Variants in DCAF5 observed in about 807,000 individuals in gnomAD.
DCAF5 encodes the protein DDB1 and CUL4 associated factor 5.
DCAF5 carries 9 observed loss-of-function variants against 80.7 expected under a neutral mutation model. That is an observed-to-expected ratio of 0.11 (90% confidence interval 0.07 to 0.19). DCAF5 has a LOEUF of 0.19. Ranked by LOEUF, DCAF5 falls within the 10% of genes least tolerant of loss-of-function variation. The probability of loss-of-function intolerance (pLI) is 1.00; values close to 1 mark genes in which losing one functional copy is unlikely to be tolerated. For synonymous variants in DCAF5, 433 were observed against 461.9 expected (o/e 0.94, Z 0.80); for missense variants, 842 against 1,205.7 (o/e 0.70, Z 4.47).
intron 1 of DCAF5, 113 bp from the exon 2 acceptor site, chr14:69,122,473 T>G (rs1395849532): frequency 8.6e-7 from 1 of 1,162,222 alleles, no homozygotes; most frequent in Non-Finnish European, 1.2e-6. Context: ...CCCAACTCCA[T>G]AAGATTCGCA....
chr14:69,107,875 T>A (rs771268238), intron 5 of DCAF5, among the ~76,000 whole-genome samples: 1 of 152,232 alleles, frequency 6.6e-6, no homozygotes, highest in Non-Finnish European at 1.5e-5. Context: ...TAAGTTTCCA[T>A]AATATTCCAA....
In DCAF5 at chr14:69,054,018, A is replaced by G. The variant is rs765788180; in HGVS notation, c.2668T>C (p.Cys890Arg). 1 of 1,612,468 alleles carries G rather than the reference A, an allele frequency of 6.2e-7. No individual in the cohort carries two copies. Among genetic ancestry groups the G allele is most frequent in the Admixed American group, 1.7e-5 (1 of 59,966 alleles). The change falls in exon 9 of 9, where the codon TGT becomes CGT. Residue 890 changes from cysteine to arginine, a missense_variant. Transcript: ENST00000341516. ...CTTGTTCCAGCATTGGGGGTCTCACAGGCCATTTCAGACCCGCAACAATCT... is the reference window on the plus strand; with the variant it reads ...CTTGTTCCAGCATTGGGGGTCTCACGGGCCATTTCAGACCCGCAACAATCT... ...HKDCCGSEMA[C>R]ETPNAGTRED...
chr14:69,142,939 T>C (rs535376122), intron 1 of DCAF5, among the ~76,000 whole-genome samples: 1 of 152,198 alleles, frequency 6.6e-6, no homozygotes, highest in African/African-American at 2.4e-5. Flanking sequence ...CTACTCCTAA[T>C]CAGACTAAAG....
At position 69,118,281 on chromosome 14, in the gene DCAF5, G is replaced by C; in HGVS notation, c.396-3C>G. ...CAAACACGTCCAATGTCTCACTGCT[G>C]GGAGATAAGAGAGCAAGACAGAGGC... On this transcript the variant is annotated splice_region_variant and splice_polypyrimidine_tract_variant and intron_variant, in intron 3 of 8. Transcript: ENST00000341516. This position sits in a 1 kb window ranked among gnomAD's most constrained non-coding sequence, Gnocchi z 4.0. 1 of 1,613,564 alleles carries C rather than the reference G, an allele frequency of 6.2e-7. No homozygotes were observed.
chr14:69,101,825 G>A (rs191654194), intron 5 of DCAF5, among the ~76,000 whole-genome samples: 229 of 152,200 alleles, frequency 1.5e-3, no homozygotes, highest in Middle Eastern at 3.4e-3. Flanking sequence ...GTAACACAAT[G>A]GGTAAGTATT....
intron 5 of DCAF5, among the ~76,000 whole-genome samples, chr14:69,099,069 G>A (rs985965610): frequency 1.3e-5 from 2 of 151,912 alleles, no homozygotes; most frequent in Non-Finnish European, 1.5e-5. Flanking sequence ...TGGCCAACAT[G>A]GTGAAACCCA....
intron 5 of DCAF5, among the ~76,000 whole-genome samples, chr14:69,093,846 G>A (rs1445537379): frequency 6.6e-6 from 1 of 152,202 alleles, no homozygotes; most frequent in Non-Finnish European, 1.5e-5. Flanking sequence ...AGACATCAAG[G>A]AGGGGCCTGG....
rs148942004 is a variant in DCAF5 at position 69,054,534 on chromosome 14, G to T, written c.2152C>A (p.Gln718Lys). The T allele has an allele frequency of 1.8e-5, 29 of 1,614,072 alleles. No homozygotes were observed. The highest frequency in any genetic ancestry group is 2.4e-5 in the Non-Finnish European group (28 of 1,180,044). The change falls in exon 9 of 9, where the codon CAG (glutamine) becomes AAG (lysine). Residue 718 changes from glutamine (Q) to lysine (K), a missense_variant. Gln to Lys is a moderately conservative substitution (Grantham distance 53). Around this residue, in one of 5 missense-constraint regions of DCAF5, gnomAD observed 607 missense variants for 656.6 expected, o/e 0.92. Coordinates refer to ENST00000341516, the MANE Select transcript of DCAF5 (RefSeq NM_003861.3). ...KEACLNIAMA[Q>K]RNQDLPPEGC... ...TCAGGTGGCAGGTCCTGGTTCCTCT[G>T]GGCCATTGCTATGTTTAGACAGGCT...
At chr14:69,088,757 A>G (rs561180893) in intron 6 of DCAF5, among the ~76,000 whole-genome samples, 2 of 152,346 alleles carry the variant, frequency 1.3e-5, no homozygotes, top group African/African-American at 4.8e-5. Context: ...GGGTGTTCTC[A>G]GAGCACACAG....
In DCAF5 at chr14:69,068,835, A is replaced by G. The variant is rs73277016; in HGVS notation, c.947-6324T>C. The stretch of plus-strand genomic sequence containing the variant: ...TTGCAGGGTCTTCCAGTGTCAAACC[A>G]TAAAGAGGACCATCAAGGATACTGA... On this transcript the variant is annotated intron_variant, in intron 7 of 8. Coordinates refer to ENST00000341516, the MANE Select transcript of DCAF5 (RefSeq NM_003861.3). Among the ~76,000 whole-genome samples, 1,382 of 152,296 alleles carry G rather than the reference A, an allele frequency of 9.1e-3. 21 individuals carry two copies. The highest frequency in any genetic ancestry group is 0.031 in the African/African-American group (1,309 of 41,558).
intron 1 of DCAF5, among the ~76,000 whole-genome samples, chr14:69,124,641 T>C (rs2040823033): frequency 1.3e-5 from 2 of 152,230 alleles, no homozygotes; most frequent in Admixed American, 1.3e-4. Context: ...AAATTATGTA[T>C]TTCTTACAAA....
chr14:69,127,259 T>C lies in DCAF5; in HGVS notation c.215-4899A>G, dbSNP rs147962535. ...ACCAAGATGTCCTTCAGTATGTAAA[T>C]GGATAAATCAACTGTAGTACAACCA... On this transcript the variant is annotated intron_variant, in intron 1 of 8. Transcript: ENST00000341516. 3.5e-3 allele frequency among the ~76,000 whole-genome samples: 534 copies of C among 152,300 alleles called. 2 individuals are homozygous for C. The highest frequency in any genetic ancestry group is 0.012 in the African/African-American group (495 of 41,554).
chr14:69,137,913 CA>C (rs2041244017), intron 1 of DCAF5, among the ~76,000 whole-genome samples: 1 of 151,534 alleles, frequency 6.6e-6, no homozygotes, highest in African/African-American at 2.4e-5. Flanking sequence ...TAAATTTTAC[CA>C]TAGGTATGTA....
At chr14:69,135,345 A>G (rs191671201) in intron 1 of DCAF5, among the ~76,000 whole-genome samples, 2 of 152,208 alleles carry the variant, frequency 1.3e-5, no homozygotes, top group African/African-American at 4.8e-5. Context: ...TTCACTCAGG[A>G]GTGCCTTGAT....
At chr14:69,069,625 G>T (rs551531129) in intron 7 of DCAF5, among the ~76,000 whole-genome samples, 21 of 151,842 alleles carry the variant, frequency 1.4e-4, no homozygotes, top group Non-Finnish European at 2.8e-4. Context: ...TCTTTCTTTC[G>T]TTCTTTTCTT....
chr14:69,108,556 G>C (rs916187429), intron 5 of DCAF5, among the ~76,000 whole-genome samples: 1 of 152,096 alleles, frequency 6.6e-6, no homozygotes, highest in East Asian at 1.9e-4. Flanking sequence ...GGCAGAGGGA[G>C]GGAGAGGCAG....
chr14:69,082,457 A>G (rs1297338026), intron 6 of DCAF5, among the ~76,000 whole-genome samples: 1 of 35,050 alleles, frequency 2.9e-5, no homozygotes, highest in Non-Finnish European at 7.9e-5. Flanking sequence ...TCTGTGTAGA[A>G]AAAATTCTAT....
chr14:69,102,244 G>A (rs1374987702), intron 5 of DCAF5, among the ~76,000 whole-genome samples: 1 of 151,542 alleles, frequency 6.6e-6, no homozygotes. Flanking sequence ...GAGCAGCTGG[G>A]ATTACAGGCA....
chr14:69,133,193 T>C (rs1180721258), intron 1 of DCAF5, among the ~76,000 whole-genome samples: 3 of 152,108 alleles, frequency 2.0e-5, no homozygotes, highest in Non-Finnish European at 2.9e-5. Context: ...CTACATAATA[T>C]GAAGGGGTAC....
Sources: gnomAD v4.1 joint callset for allele counts (sites outside exome capture counted in the v4.1 genomes callset) on GRCh38, gnomAD v4.1.1 for gene constraint, gnomAD v4.1.1 regional missense constraint, Gnocchi (gnomAD v3.1) non-coding constraint, MANE v1.5 for transcripts, NCBI Gene and HGNC (gene_info 2026-07-23, HGNC 2026-07-21) for gene names.